MICAL3: variants seen among roughly 807,000 people sequenced by gnomAD.
MICAL3 encodes the protein [F-actin]-monooxygenase MICAL3.
A neutral mutation model predicts 207.4 loss-of-function variants in MICAL3; 62 were observed. That is an observed-to-expected ratio of 0.30 (90% CI 0.24 to 0.37). The LOEUF is 0.37. Among genes scored for constraint, MICAL3 ranks in the 10% least tolerant of loss-of-function variants. MICAL3 has a pLI of 1.00. For missense variants in MICAL3, 2,368 were observed against 2,635.6 expected, an observed-to-expected ratio of 0.90 and a Z score of 2.22; for synonymous variants, 1,077 against 1,069.3, an observed-to-expected ratio of 1.01 and a Z score of -0.14.
In MICAL3 at chr22:18,024,514, G is replaced by A. The variant is rs1924679968; in HGVS notation, c.-308C>T. Reference sequence around the variant, plus strand: ...GCTGCCCCGGGTGCCTGCCTACGCGGGCGCTCCCCGCCGGGACTCCGCCGG... The same window carrying A: ...GCTGCCCCGGGTGCCTGCCTACGCGAGCGCTCCCCGCCGGGACTCCGCCGG... On this transcript the variant is annotated 5_prime_UTR_variant, in exon 1 of 32. Coordinates refer to ENST00000441493, the MANE Select transcript of MICAL3 (RefSeq NM_015241.3). 6.6e-6 allele frequency: 1 copy of A among 151,994 alleles called. No homozygotes were observed. The highest frequency in any genetic ancestry group is 1.9e-4 in the East Asian group (1 of 5,174). The allele number at this position is 151,994 out of a possible 1,614,324, so 9.4% of individuals were successfully genotyped here.
chr22:17,876,214 C>T (rs373026954), intron 16 of MICAL3, among the ~76,000 whole-genome samples: 231 of 152,256 alleles, frequency 1.5e-3, no homozygotes, highest in Middle Eastern at 3.4e-3. Flanking sequence ...CTCCCTTAGC[C>T]GTGGGCCCAT....
At chr22:17,981,059 G>A in intron 1 of MICAL3, 1 of 344,324 alleles carries the variant, frequency 2.9e-6, no homozygotes. Context: ...TTAACAGACT[G>A]GTCTCCAAAA....
In MICAL3 at chr22:17,817,526, T is replaced by C. The variant is rs377698786; in HGVS notation, c.5135A>G (p.Lys1712Arg). 1.6e-5 allele frequency: 26 copies of C among 1,613,556 alleles called. No individual in the cohort carries two copies. The highest frequency in any genetic ancestry group is 1.9e-5 in the Non-Finnish European group (23 of 1,179,832). The change falls in exon 26 of 32, where the codon AAG becomes AGG. Residue 1712 changes from lysine to arginine, a missense_variant. Around this residue, in one of 4 missense-constraint regions of MICAL3, gnomAD observed 1,770 missense variants for 1,863.2 expected, o/e 0.95. Transcript: ENST00000441493. ...LFSPRRNKKE[K>R]KSKGEGRPPE... ...GGGCCGGCCCTCGCCTTTGGACTTCTTCTCCTTCTTGTTTCTGCGGGGGGA... is the reference window on the plus strand; with the variant it reads ...GGGCCGGCCCTCGCCTTTGGACTTCCTCTCCTTCTTGTTTCTGCGGGGGGA...
intron 1 of MICAL3, among the ~76,000 whole-genome samples, chr22:18,022,753 A>T (rs898264512): frequency 3.9e-5 from 6 of 151,954 alleles, no homozygotes; most frequent in African/African-American, 1.5e-4. Flanking sequence ...CTAAGTGTCC[A>T]TTCTCCTTGT....
chr22:17,949,134 C>G (rs1028099401), intron 1 of MICAL3, among the ~76,000 whole-genome samples: 13 of 151,938 alleles, frequency 8.6e-5, no homozygotes. Context: ...GGCTTGAGCC[C>G]AGGAGGTGGC....
At position 17,817,504 on chromosome 22, in the gene MICAL3, C is replaced by A; in HGVS notation, c.5157G>T (p.Arg1719=). The change falls in exon 26 of 32, where the codon CGG becomes CGT. Residue 1719 remains arginine (R), a synonymous_variant. Transcript: ENST00000441493. ...GGTTGGAGCTGGGCTTCTCCGGGGG[C>A]CGGCCCTCGCCTTTGGACTTCTTCT... is the stretch of plus-strand genomic sequence containing the variant. ...KKEKKSKGEG[R]PPEKPSSNLL... 6.2e-7 allele frequency: 1 copy of A among 1,613,622 alleles called. No individual in the cohort carries two copies. The highest frequency in any genetic ancestry group is 1.1e-5 in the South Asian group (1 of 91,062).
intron 19 of MICAL3, chr22:17,863,968 A>G (rs1602084136): frequency 2.0e-6 from 2 of 985,512 alleles, no homozygotes; most frequent in Non-Finnish European, 2.4e-6. Context: ...ACAGAAACAC[A>G]GCCCTGCTGG....
At chr22:18,017,713 G>A (rs553762566) in intron 1 of MICAL3, among the ~76,000 whole-genome samples, 3 of 150,802 alleles carry the variant, frequency 2.0e-5, no homozygotes, top group Admixed American at 2.0e-4. Flanking sequence ...TGCCTCCCGA[G>A]TAGCTGGGAT....
chr22:17,994,164 C>T (rs1306673090), intron 1 of MICAL3, among the ~76,000 whole-genome samples: 1 of 152,192 alleles, frequency 6.6e-6, no homozygotes, highest in Non-Finnish European at 1.5e-5. Context: ...CTGTCCCTGT[C>T]CCATCACAGC....
At chr22:17,821,206 G>A (rs529035468) in intron 25 of MICAL3, among the ~76,000 whole-genome samples, 20 of 152,148 alleles carry the variant, frequency 1.3e-4, no homozygotes, top group African/African-American at 4.6e-4. Flanking sequence ...ATCCCCAAGA[G>A]TACTGAGCTG....
rs1335624433 is a variant in MICAL3 at position 17,887,159 on chromosome 22, G to A, written c.2067+11C>T. On this transcript the variant is annotated intron_variant, in intron 15 of 31. Coordinates refer to ENST00000441493, the MANE Select transcript of MICAL3 (RefSeq NM_015241.3). ...CATGACCATTCTAGCAATTCCCCAA[G>A]TGAATCTCACCTCCTCTGATTGACT... 3 of 1,611,726 alleles carry A rather than the reference G, an allele frequency of 1.9e-6. No individual in the cohort carries two copies. Among genetic ancestry groups the A allele is most frequent in the Non-Finnish European group, 2.5e-6 (3 of 1,178,202 alleles).
intron 1 of MICAL3, among the ~76,000 whole-genome samples, chr22:17,998,418 T>C (rs1044544639): frequency 1.3e-4 from 20 of 152,114 alleles, no homozygotes; most frequent in African/African-American, 4.1e-4. Context: ...ATGGGAATAA[T>C]AGACTCTATT....
At chr22:17,928,205 C>T (rs1393255710) in intron 1 of MICAL3, among the ~76,000 whole-genome samples, 9 of 152,124 alleles carry the variant, frequency 5.9e-5, no homozygotes, top group South Asian at 2.1e-4. Flanking sequence ...TTTGGGAGGC[C>T]GAGGCGGGCG....
chr22:17,979,191 G>A (rs1935791790), intron 1 of MICAL3, among the ~76,000 whole-genome samples: 1 of 151,908 alleles, frequency 6.6e-6, no homozygotes, highest in Non-Finnish European at 1.5e-5. Flanking sequence ...CCTGAGGGGA[G>A]TAACCATGTC....
intron 1 of MICAL3, among the ~76,000 whole-genome samples, chr22:17,907,954 G>A (rs1045873872): frequency 4.6e-5 from 7 of 152,180 alleles, no homozygotes; most frequent in Admixed American, 2.0e-4. Flanking sequence ...GGAAATGTCC[G>A]CACACCTACG....
At chr22:17,958,149 C>T (rs532351742) in intron 1 of MICAL3, among the ~76,000 whole-genome samples, 31 of 152,268 alleles carry the variant, frequency 2.0e-4, no homozygotes, top group African/African-American at 7.5e-4. Flanking sequence ...TTACAATTAA[C>T]CTATGACACT....
At chr22:17,908,543 G>A (rs1242257267) in intron 1 of MICAL3, among the ~76,000 whole-genome samples, 2 of 152,088 alleles carry the variant, frequency 1.3e-5, no homozygotes, top group Non-Finnish European at 2.9e-5. Context: ...TCCTGACCTC[G>A]TGATCTGCCC....
rs563680279 is a variant in MICAL3 at position 17,861,378 on chromosome 22, G to A, written c.2605+3521C>T. On this transcript the variant is annotated intron_variant, in intron 19 of 31. Coordinates refer to ENST00000441493, the MANE Select transcript of MICAL3 (RefSeq NM_015241.3). ...CTTCAGATCATCTTTTCCATAAGAT[G>A]ACAGGAAACTAACGTGCTTCTCCCC... is the stretch of plus-strand genomic sequence containing the variant. 13 of 985,460 alleles carry A rather than the reference G, an allele frequency of 1.3e-5. No homozygotes were observed. The African/African-American group carries it at 1.6e-4, about 12-fold the overall frequency. The allele number at this position is 985,460 out of a possible 1,614,324, so 61.0% of individuals were successfully genotyped here.
rs188015559 is a variant in MICAL3, at chr22:17,904,981, T to A, written c.265-142A>T. On this transcript the variant is annotated intron_variant, in intron 2 of 31. Coordinates refer to ENST00000441493, the MANE Select transcript of MICAL3 (RefSeq NM_015241.3). ...CTGCCAAGAAACCTTCACACCTACG[T>A]GGGTCACAGCAGAGCACCTGCCATG... 28 of 665,912 alleles carry A rather than the reference T, an allele frequency of 4.2e-5. No homozygotes were observed. In the East Asian group the frequency reaches 7.3e-4, roughly 17 times the overall value. 41.3% of individuals were successfully genotyped at this position (665,912 alleles called of 1,614,324 possible).
Sources: allele counts gnomAD v4.1 joint callset (sites outside exome capture counted in the v4.1 genomes callset), GRCh38; gene constraint gnomAD v4.1.1; regional missense constraint gnomAD v4.1.1; transcripts MANE v1.5; gene names NCBI Gene and HGNC (gene_info 2026-07-23, HGNC 2026-07-21).